Variants in GLB1L3 observed in about 807,000 individuals in gnomAD.
GLB1L3 encodes beta-galactosidase-1-like protein 3.
In GLB1L3, 89 loss-of-function variants were observed where a neutral mutation model predicts 89.5. The ratio of observed to expected loss-of-function variants is 0.99; its 90% confidence interval spans 0.84 to 1.19. The LOEUF is 1.19. Among genes scored for constraint, GLB1L3 ranks in the 50% most tolerant of loss-of-function variants. The pLI is 0.00. For synonymous variants in GLB1L3, 314 were observed against 312.3 expected, an observed-to-expected ratio of 1.01 and a Z score of -0.06; for missense variants, 812 against 813.3, an observed-to-expected ratio of 1.00 and a Z score of 0.02.
At chr11:134,312,541 G>T in intron 14 of GLB1L3, 52 bp downstream of exon 14, 1 of 1,593,602 alleles carries the variant, frequency 6.3e-7, no homozygotes, top group Non-Finnish European at 8.5e-7. Flanking sequence ...ACCTCCCCAT[G>T]CTGTCGGGCA....
chr11:134,324,598 C>G, the GLB1L3 span, among the ~76,000 whole-genome samples: 4 of 152,102 alleles, frequency 2.6e-5, no homozygotes, highest in Non-Finnish European at 1.5e-5. Flanking sequence ...TGTACCTTGT[C>G]TGTTCTTTGT....
intron 9 of GLB1L3, among the ~76,000 whole-genome samples, chr11:134,296,861 ATAAAAAC>A (rs1244635425): frequency 1.0e-3 from 133 of 131,632 alleles, no homozygotes; most frequent in African/African-American, 1.8e-3. Context: ...AATAATAATA[ATAAAAAC>A]AAACAAACAA....
chr11:134,280,167 TTTTATTTA>T (rs144409069), intron 3 of GLB1L3, among the ~76,000 whole-genome samples: 1 of 151,880 alleles, frequency 6.6e-6, no homozygotes, highest in East Asian at 1.9e-4. Flanking sequence ...ACGCTTTCTG[TTTTATTTA>T]TTTATTTATT....
chr11:134,307,169 G>T lies in GLB1L3; in HGVS notation c.922G>T (p.Asp308Tyr). 1 of 1,613,602 alleles carries T rather than the reference G, an allele frequency of 6.2e-7. No individual in the cohort carries two copies. The highest frequency in any genetic ancestry group is 1.1e-5 in the South Asian group (1 of 90,982). ...LIMEYWVGWF[D>Y]RWGDKHHVKD... ...TATGGAATACTGGGTCGGCTGGTTC[G>T]ACAGATGGGGAGATAAGCACCATGT... The change falls in exon 10 of 20, where the codon GAC (aspartate) becomes TAC (tyrosine). Residue 308 changes from aspartate (D) to tyrosine (Y), a missense_variant. By Grantham distance (160) the Asp-to-Tyr change is radical. Transcript: ENST00000431683.
chr11:134,310,981 C>A, intron 12 of GLB1L3, 83 bp from the exon 13 acceptor site: 1 of 934,476 alleles, frequency 1.1e-6, no homozygotes, highest in Non-Finnish European at 1.7e-6. Context: ...AAAGGAAAAG[C>A]CATGCTGGAT....
chr11:134,318,542 C>G (rs1943075952), intron 18 of GLB1L3, 89 bp from the exon 19 acceptor site: 1 of 750,862 alleles, frequency 1.3e-6, no homozygotes, highest in Non-Finnish European at 2.3e-6. Context: ...CATAAAGTAT[C>G]TCAATCTTGC....
intron 13 of GLB1L3, chr11:134,311,938 A>C: frequency 6.4e-6 from 1 of 157,354 alleles, no homozygotes; most frequent in Non-Finnish European, 1.4e-5. Flanking sequence ...CTGGGATTAC[A>C]GGAGGGCACC....
At chr11:134,283,988 GC>G (rs1940849259) in intron 6 of GLB1L3, 143 bp downstream of exon 6, 1 of 628,602 alleles carries the variant, frequency 1.6e-6, no homozygotes, top group Non-Finnish European at 2.9e-6. Context: ...TGGACCCTTG[GC>G]TTGAGGACAG....
Position 134,312,332 on chromosome 11 carries a change from G to A in GLB1L3, c.1288-17G>A, listed in dbSNP as rs1269555421. On this transcript the variant is annotated splice_polypyrimidine_tract_variant and intron_variant, in intron 13 of 19. Transcript: ENST00000431683. Reference sequence around the variant, plus strand: ...GCTCAGCCCTTGGACTTCTGCTCTTGCCATTTCTCCTCATAGCCAGTCAGG... The same window carrying A: ...GCTCAGCCCTTGGACTTCTGCTCTTACCATTTCTCCTCATAGCCAGTCAGG... 3.1e-6 allele frequency: 5 copies of A among 1,612,378 alleles called. No individual in the cohort carries two copies. The African/African-American group carries it at 4.0e-5, about 13-fold the overall frequency.
intron 1 of GLB1L3, 73 bp from the exon 2 acceptor site, chr11:134,277,253 A>T: frequency 6.2e-7 from 1 of 1,603,606 alleles, no homozygotes; most frequent in Non-Finnish European, 8.5e-7. Context: ...CGCCCCCGGC[A>T]CAGCTTCCCG....
At chr11:134,296,865 A>AAT (rs1565402704) in intron 9 of GLB1L3, among the ~76,000 whole-genome samples, 1 of 73,382 alleles carries the variant, frequency 1.4e-5, no homozygotes, top group Admixed American at 1.5e-4. Flanking sequence ...ATAATAATAA[A>AAT]AACAAACAAA....
At chr11:134,278,165 T>A (rs1304058641) in intron 3 of GLB1L3, among the ~76,000 whole-genome samples, 2 of 152,218 alleles carry the variant, frequency 1.3e-5, no homozygotes, top group Non-Finnish European at 2.9e-5. Flanking sequence ...GGATTCTGTC[T>A]GTCTAATGAA....
chr11:134,292,865 C>A (rs1146193), intron 8 of GLB1L3: 4 of 515,568 alleles, frequency 7.8e-6, no homozygotes, highest in South Asian at 4.3e-5. Flanking sequence ...AGCCTGTGTC[C>A]CGTTTCCAGT....
chr11:134,303,062 A>G (rs1197032218), intron 9 of GLB1L3, among the ~76,000 whole-genome samples: 6 of 152,210 alleles, frequency 3.9e-5, no homozygotes, highest in Non-Finnish European at 8.8e-5. Context: ...CTTCATGGAC[A>G]TGAAATTTTA....
At position 134,315,256 on chromosome 11, in the gene GLB1L3, T is replaced by C. The variant is rs190372094; in HGVS notation, c.1779+815T>C. 3.0e-4 allele frequency among the ~76,000 whole-genome samples: 45 copies of C among 152,354 alleles called. 1 individual carries two copies. Among genetic ancestry groups the C allele is most frequent in the Non-Finnish European group, 8.8e-5 (6 of 68,028 alleles). The stretch of plus-strand genomic sequence containing the variant: ...TTACTTTTTCTGAACATTTGGATTA[T>C]ATCTAGGGCTTGTCTATGGTAAATA... On this transcript the variant is annotated intron_variant, in intron 18 of 19. Transcript: ENST00000431683.
chr11:134,307,735 AGCGCTAGCCAT>A (rs1942266583), intron 10 of GLB1L3, among the ~76,000 whole-genome samples: 1 of 152,224 alleles, frequency 6.6e-6, no homozygotes, highest in Non-Finnish European at 1.5e-5. Flanking sequence ...TCAGCTCTGC[AGCGCTAGCCAT>A]GCGCTAGCTT....
At chr11:134,298,557 A>G (rs748366788) in intron 9 of GLB1L3, among the ~76,000 whole-genome samples, 39 of 152,300 alleles carry the variant, frequency 2.6e-4, no homozygotes, top group African/African-American at 9.4e-4. Context: ...CCCGGTGGGA[A>G]GTAATTGAAT....
chr11:134,322,045 A>G (rs946849642), downstream of GLB1L3, among the ~76,000 whole-genome samples: 1 of 152,232 alleles, frequency 6.6e-6, no homozygotes, highest in African/African-American at 2.4e-5. Context: ...CATTATTTAA[A>G]GAAAACTATA....
intron 9 of GLB1L3, among the ~76,000 whole-genome samples, chr11:134,304,575 C>T (rs1456608693): frequency 6.6e-6 from 1 of 151,814 alleles, no homozygotes; most frequent in Non-Finnish European, 1.5e-5. Flanking sequence ...TTTTCATGTC[C>T]CTCACAATGT....
Sources: allele counts gnomAD v4.1 joint callset (sites outside exome capture counted in the v4.1 genomes callset), GRCh38; gene constraint gnomAD v4.1.1; transcripts MANE v1.5; gene names NCBI Gene and HGNC (gene_info 2026-07-23, HGNC 2026-07-21).